AUTS2: variants seen among roughly 807,000 people sequenced by gnomAD.
The protein encoded by AUTS2 is autism susceptibility gene 2 protein.
In AUTS2, 17 loss-of-function variants were observed where a neutral mutation model predicts 112.4. That is an observed-to-expected ratio of 0.15 (90% CI 0.10 to 0.23). The LOEUF (loss-of-function observed/expected upper bound fraction) is 0.23, where lower values mean the gene tolerates loss of function less well. Among genes scored for constraint, AUTS2 ranks in the 10% least tolerant of loss-of-function variants. The pLI is 1.00. For synonymous variants in AUTS2, 751 were observed against 702.7 expected (o/e 1.07, Z -1.09); for missense variants, 1,510 against 1,701.6 (o/e 0.89, Z 1.98).
chr7:70,045,863 T>A (rs1801482203), intron 2 of AUTS2, among the ~76,000 whole-genome samples: 1 of 149,772 alleles, frequency 6.7e-6, no homozygotes. Flanking sequence ...CCTGACCTCA[T>A]GATCCGCCTG....
At position 70,410,398 on chromosome 7, in the gene AUTS2, T is replaced by TTTTATTTATTTA. The variant is rs10631565; in HGVS notation, c.661-25318_661-25307dup. On this transcript the variant is annotated intron_variant, in intron 4 of 18. Transcript: ENST00000342771. ...AGGCTCTGTCTTAGGAGGGTTTGTC[T>TTTTATTTATTTA]TTTATTTATTTATTTATTTATTTAT... Among the ~76,000 whole-genome samples the TTTTATTTATTTA allele has an allele frequency of 8.8e-3, 1,245 of 140,814 alleles. 3 individuals are homozygous for TTTTATTTATTTA. Among genetic ancestry groups the TTTTATTTATTTA allele is most frequent in the Non-Finnish European group, 0.011 (685 of 64,948 alleles). 92.4% of individuals were successfully genotyped at this position (140,814 alleles called of 152,430 possible). A position where few individuals can be genotyped will look rare whatever the true frequency, so the allele number is the denominator to read the frequency against.
intron 1 of AUTS2, among the ~76,000 whole-genome samples, chr7:69,886,594 T>C (rs1794281920): frequency 6.6e-6 from 1 of 152,196 alleles, no homozygotes; most frequent in African/African-American, 2.4e-5. Context: ...GGACAGAATG[T>C]CTCTCTCTTC....
chr7:70,695,241 T>C (rs1157236040), intron 5 of AUTS2, among the ~76,000 whole-genome samples: 1 of 152,126 alleles, frequency 6.6e-6, no homozygotes, highest in Non-Finnish European at 1.5e-5. Context: ...TGCGGCCCTG[T>C]CGCCCGCCTT....
At chr7:70,537,905 G>A (rs1800386953) in intron 5 of AUTS2, among the ~76,000 whole-genome samples, 1 of 152,188 alleles carries the variant, frequency 6.6e-6, no homozygotes, top group Non-Finnish European at 1.5e-5. Flanking sequence ...AATGCACGGA[G>A]GCCTGCAAGA....
chr7:70,775,484 T>G (rs1264869631), intron 13 of AUTS2, 98 bp downstream of exon 13: 2 of 981,834 alleles, frequency 2.0e-6, no homozygotes, highest in Non-Finnish European at 3.1e-6. Context: ...CATAGAAATG[T>G]TGGAATAAGA....
chr7:70,556,560 T>C (rs1282320130), intron 5 of AUTS2, among the ~76,000 whole-genome samples: 1 of 152,214 alleles, frequency 6.6e-6, no homozygotes, highest in African/African-American at 2.4e-5. Flanking sequence ...GGCCTCTTGT[T>C]ATGCCTGGAA....
intron 4 of AUTS2, among the ~76,000 whole-genome samples, chr7:70,255,074 CTTTTTTTTT>C (rs3078929): frequency 7.7e-6 from 1 of 129,660 alleles, no homozygotes; most frequent in African/African-American, 2.9e-5. Context: ...TCAAAATTAC[CTTTTTTTTT>C]TTTTTTTTTT....
At chr7:69,762,201 A>G (rs895148296) in intron 1 of AUTS2, among the ~76,000 whole-genome samples, 9 of 151,868 alleles carry the variant, frequency 5.9e-5, no homozygotes, top group African/African-American at 2.2e-4. Context: ...CCGGTAACAT[A>G]ATGACATTGG....
At chr7:70,776,655 G>A in intron 13 of AUTS2, 1 of 236,012 alleles carries the variant, frequency 4.2e-6, no homozygotes, top group Non-Finnish European at 8.3e-6. Flanking sequence ...GTTAGGACAG[G>A]TTCTGTACCC....
At chr7:70,098,706 CTT>C (rs1248247686) in intron 2 of AUTS2, among the ~76,000 whole-genome samples, 8 of 142,610 alleles carry the variant, frequency 5.6e-5, no homozygotes, top group Admixed American at 7.0e-5. Context: ...TTTTTCTTTT[CTT>C]TTTTTTTTTT....
At chr7:69,924,329 A>G (rs1327452804) in intron 2 of AUTS2, among the ~76,000 whole-genome samples, 2 of 152,018 alleles carry the variant, frequency 1.3e-5, no homozygotes, top group African/African-American at 4.8e-5. Context: ...GTTGGATTTG[A>G]TTTGTTAAAA....
At chr7:70,457,745 G>A (rs1258183473) in intron 5 of AUTS2, among the ~76,000 whole-genome samples, 2 of 152,174 alleles carry the variant, frequency 1.3e-5, no homozygotes, top group African/African-American at 4.8e-5. Flanking sequence ...CAGATGCCTG[G>A]TTTAAAAGAC....
At chr7:69,790,075 G>C (rs890874831) in intron 1 of AUTS2, among the ~76,000 whole-genome samples, 14 of 151,902 alleles carry the variant, frequency 9.2e-5, no homozygotes, top group African/African-American at 3.4e-4. Context: ...GAGCTCAGGA[G>C]TTTAAGACTA....
At chr7:69,781,334 C>T (rs970923530) in intron 1 of AUTS2, among the ~76,000 whole-genome samples, 2 of 152,238 alleles carry the variant, frequency 1.3e-5, no homozygotes, top group African/African-American at 4.8e-5. Flanking sequence ...CATTTGCCCA[C>T]TACTGATAGT....
intron 4 of AUTS2, among the ~76,000 whole-genome samples, chr7:70,422,690 C>T (rs1795272832): frequency 6.6e-6 from 1 of 152,096 alleles, no homozygotes; most frequent in Non-Finnish European, 1.5e-5. Context: ...GCAGGTGAAT[C>T]GCTTGAACCC....
Position 70,791,005 on chromosome 7 carries a change from C to T in AUTS2, c.*9C>T. On this transcript the variant is annotated 3_prime_UTR_variant, in exon 19 of 19. Transcript: ENST00000342771. ...ATATCGAGGCCCGATAAGCCGAGAA[C>T]AGGAGCAAGAACGAGGAAGAAGAAA... 1 of 1,487,790 alleles carries T rather than the reference C, an allele frequency of 6.7e-7. No homozygotes were observed. Among genetic ancestry groups the T allele is most frequent in the Non-Finnish European group, 8.9e-7 (1 of 1,120,546 alleles). The allele number at this position is 1,487,790 out of a possible 1,614,324, so 92.2% of individuals were successfully genotyped here.
intron 4 of AUTS2, among the ~76,000 whole-genome samples, chr7:70,365,084 TA>T (rs1191312891): frequency 6.6e-6 from 1 of 152,108 alleles, no homozygotes. Context: ...TTTTAAAAAT[TA>T]ACTGTGAAAA....
At chr7:70,068,010 G>T (rs1440798359) in intron 2 of AUTS2, among the ~76,000 whole-genome samples, 1 of 152,054 alleles carries the variant, frequency 6.6e-6, no homozygotes, top group Non-Finnish European at 1.5e-5. Context: ...CAGAATATTT[G>T]CTATATCTTA....
intron 4 of AUTS2, among the ~76,000 whole-genome samples, chr7:70,215,733 G>C (rs1041514847): frequency 2.6e-5 from 4 of 152,296 alleles, no homozygotes; most frequent in Admixed American, 1.3e-4. Context: ...GGCTTGAGCA[G>C]TTGTGTAGGT....
Sources: allele counts gnomAD v4.1 joint callset (sites outside exome capture counted in the v4.1 genomes callset), GRCh38; gene constraint gnomAD v4.1.1; transcripts MANE v1.5; gene names NCBI Gene and HGNC (gene_info 2026-07-23, HGNC 2026-07-21).